SHQ1: variants seen among roughly 807,000 people sequenced by gnomAD.
SHQ1 encodes the protein SHQ1, H/ACA ribonucleoprotein assembly factor.
Under a neutral mutation model 53.8 loss-of-function variants are expected in SHQ1, and 49 were observed. The ratio of observed to expected loss-of-function variants is 0.91; its 90% CI spans 0.72 to 1.16. The LOEUF (loss-of-function observed/expected upper bound fraction) is 1.16, where lower values mean the gene tolerates loss of function less well. SHQ1 is among the 50% of genes most tolerant of loss of function. The probability of loss-of-function intolerance (pLI) is 0.00; values close to 1 mark genes in which losing one functional copy is unlikely to be tolerated. For missense variants in SHQ1, 738 were observed against 683.1 expected, an observed-to-expected ratio of 1.08 and a Z score of -0.90; for synonymous variants, 243 against 251.0, an observed-to-expected ratio of 0.97 and a Z score of 0.30.
At chr3:72,784,122 AT>A (rs572071072) in intron 10 of SHQ1, among the ~76,000 whole-genome samples, 19 of 149,174 alleles carry the variant, frequency 1.3e-4, no homozygotes, top group African/African-American at 3.7e-4. Context: ...CTATTCTAAA[AT>A]AAAAAGTCTA....
Position 72,812,804 on chromosome 3 carries a change from G to A in SHQ1, c.937-10C>T. ...GAACGTTAGTCCAAGTCTGTGAAGT[G>A]TCATTTTAATAAGCAGTCATTTCCA... On this transcript the variant is annotated splice_polypyrimidine_tract_variant and intron_variant, in intron 8 of 10. Coordinates refer to ENST00000325599, the MANE Select transcript of SHQ1 (RefSeq NM_018130.3). The A allele has an allele frequency of 6.2e-7, 1 of 1,613,426 alleles. No homozygotes were observed.
At chr3:72,824,864 T>A (rs1243818076) in intron 5 of SHQ1, among the ~76,000 whole-genome samples, 1 of 151,152 alleles carries the variant, frequency 6.6e-6, no homozygotes, top group African/African-American at 2.4e-5. Flanking sequence ...AGTAGTAACA[T>A]AATCACAGCT....
At chr3:72,808,045 TAGAA>T (rs1183719834) in intron 9 of SHQ1, among the ~76,000 whole-genome samples, 3 of 152,210 alleles carry the variant, frequency 2.0e-5, no homozygotes, top group South Asian at 2.1e-4. Flanking sequence ...AAACAGCAAA[TAGAA>T]AGAACAATTG....
At chr3:72,845,463 C>A (rs1343661097) in intron 1 of SHQ1, among the ~76,000 whole-genome samples, 6 of 149,006 alleles carry the variant, frequency 4.0e-5, no homozygotes, top group Non-Finnish European at 8.9e-5. Flanking sequence ...CCAGCCTGGG[C>A]AACAGAGTGA....
At chr3:72,738,243 G>A in the SHQ1 span, among the ~76,000 whole-genome samples, 1 of 152,192 alleles carries the variant, frequency 6.6e-6, no homozygotes, top group East Asian at 1.9e-4. Flanking sequence ...GCTCTCTCGG[G>A]TTCCTCGCTT....
At chr3:72,726,500 A>C in the SHQ1 span, among the ~76,000 whole-genome samples, 2 of 152,142 alleles carry the variant, frequency 1.3e-5, no homozygotes, top group South Asian at 4.1e-4. Flanking sequence ...TTACAGGTGC[A>C]TGCCACCACG....
intron 10 of SHQ1, among the ~76,000 whole-genome samples, chr3:72,792,218 A>G (rs979861768): frequency 2.0e-5 from 3 of 152,214 alleles, no homozygotes; most frequent in African/African-American, 7.2e-5. Flanking sequence ...ATGCACATAC[A>G]TCTACACACA....
In SHQ1 at chr3:72,841,071, G is replaced by GT. The variant is rs1470466800; in HGVS notation, c.459dup (p.Arg154ThrfsTer11). On this transcript the variant is annotated frameshift_variant, in exon 4 of 11. Coordinates refer to ENST00000325599, the MANE Select transcript of SHQ1 (RefSeq NM_018130.3). LOFTEE classifies it high-confidence loss of function. The stretch of plus-strand genomic sequence containing the variant: ...TGTAACCGTTGCAACACTCCTGATC[G>GT]TAAGTTTCCAAATCCATAGTGGCAC... The GT allele has an allele frequency of 8.1e-6, 13 of 1,613,578 alleles. No individual in the cohort carries two copies. The highest frequency in any genetic ancestry group is 1.1e-5 in the Non-Finnish European group (13 of 1,179,842).
downstream of SHQ1, among the ~76,000 whole-genome samples, chr3:72,749,055 A>G (rs1047727629): frequency 2.3e-4 from 35 of 152,260 alleles, no homozygotes; most frequent in African/African-American, 8.2e-4. Flanking sequence ...CATCTATAAA[A>G]ATGGTAAAAG....
At chr3:72,796,545 G>C (rs1206509133) in intron 9 of SHQ1, among the ~76,000 whole-genome samples, 2 of 152,156 alleles carry the variant, frequency 1.3e-5, no homozygotes, top group African/African-American at 2.4e-5. Context: ...AACAGGCAGG[G>C]CATGGTGGCT....
At chr3:72,836,237 C>G (rs994538874) in intron 4 of SHQ1, among the ~76,000 whole-genome samples, 2 of 152,184 alleles carry the variant, frequency 1.3e-5, no homozygotes, top group African/African-American at 2.4e-5. Flanking sequence ...CGCCTGTAAT[C>G]CCAGCACTTT....
chr3:72,752,017 G>A (rs1296601843), intron 10 of SHQ1, among the ~76,000 whole-genome samples: 1 of 152,116 alleles, frequency 6.6e-6, no homozygotes, highest in Non-Finnish European at 1.5e-5. Context: ...TAGGTCTGAG[G>A]TTATTTACTA....
At chr3:72,737,763 AT>A in the SHQ1 span, among the ~76,000 whole-genome samples, 1 of 152,064 alleles carries the variant, frequency 6.6e-6, no homozygotes, top group African/African-American at 2.4e-5. Context: ...TATCCTTTTT[AT>A]TTTTTCTGAG....
intron 4 of SHQ1, among the ~76,000 whole-genome samples, chr3:72,833,907 T>G (rs1707914029): frequency 6.6e-6 from 1 of 152,206 alleles, no homozygotes; most frequent in African/African-American, 2.4e-5. Flanking sequence ...GGAAGAAGCT[T>G]AAAGAATATT....
chr3:72,736,418 T>G, the SHQ1 span, among the ~76,000 whole-genome samples: 2 of 151,906 alleles, frequency 1.3e-5, no homozygotes, highest in South Asian at 2.1e-4. Flanking sequence ...ATCAAGGCTA[T>G]TAGGTAAGTA....
At position 72,824,542 on chromosome 3, in the gene SHQ1, A is replaced by G; in HGVS notation, c.609T>C (p.Phe203=). The part of the protein sequence containing the change: ...KFDPDHYLAD[F]FEDEAIEQIL... The stretch of plus-strand genomic sequence containing the variant: ...TCTGTTCAATCGCCTCATCTTCAAA[A>G]AAGTCAGCTCTAGGAAAAAACATTG... The change falls in exon 6 of 11, where the codon TTT becomes TTC. Residue 203 remains phenylalanine (F), a synonymous_variant. Transcript: ENST00000325599. 18 of 1,609,616 alleles carry G rather than the reference A, an allele frequency of 1.1e-5. No homozygotes were observed. Among genetic ancestry groups the G allele is most frequent in the Non-Finnish European group, 1.5e-5 (18 of 1,178,730 alleles).
At chr3:72,728,770 C>T in the SHQ1 span, among the ~76,000 whole-genome samples, 18 of 152,214 alleles carry the variant, frequency 1.2e-4, no homozygotes, top group African/African-American at 3.9e-4. Flanking sequence ...AGATGCAGTG[C>T]CTGGAGATCA....
At chr3:72,816,506 G>T (rs976489539) in intron 7 of SHQ1, among the ~76,000 whole-genome samples, 5 of 152,100 alleles carry the variant, frequency 3.3e-5, no homozygotes, top group Non-Finnish European at 5.9e-5. Flanking sequence ...AACTAGAAAG[G>T]CTGTTTTTTT....
At chr3:72,845,756 A>C (rs1288397124) in intron 1 of SHQ1, among the ~76,000 whole-genome samples, 1 of 152,118 alleles carries the variant, frequency 6.6e-6, no homozygotes, top group East Asian at 1.9e-4. Context: ...TTTCCTACTA[A>C]ATATGATTAA....
Sources: allele counts gnomAD v4.1 joint callset (sites outside exome capture counted in the v4.1 genomes callset), GRCh38; gene constraint gnomAD v4.1.1; transcripts MANE v1.5; gene names NCBI Gene and HGNC (gene_info 2026-07-23, HGNC 2026-07-21).